The following ZFPM2 variants were observed in gnomAD, a reference collection of about 807,000 sequenced individuals.
The protein encoded by ZFPM2 is zinc finger protein ZFPM2.
A neutral mutation model predicts 98.6 loss-of-function variants in ZFPM2; 20 were observed. The observed-to-expected ratio is 0.20, with a 90% CI of 0.14 to 0.29. The LOEUF (loss-of-function observed/expected upper bound fraction) is 0.29. Ranked by LOEUF, ZFPM2 falls within the 10% of genes least tolerant of loss-of-function variation. The pLI is 1.00. For missense variants in ZFPM2, 1,310 were observed against 1,388.6 expected (o/e 0.94, Z 0.90); for synonymous variants, 518 against 502.7 (o/e 1.03, Z -0.41).
Position 105,802,768 on chromosome 8 carries a change from C to A in ZFPM2, c.2686C>A (p.Pro896Thr). Residue 896 changes from proline (P) to threonine (T), a missense_variant, in exon 8 of 8, where the codon CCG becomes ACG. Physicochemically the swap from Pro to Thr is conservative, Grantham distance 38 (BLOSUM62 -1). Transcript: ENST00000407775. ...DLGQLDGKVF[P>T]NPESERNSPD... ...GGGTCAACTGGACGGCAAAGTGTTT[C>A]CGAATCCAGAAAGCGAACGAAACAG... 1.2e-6 allele frequency: 2 copies of A among 1,613,552 alleles called. No homozygotes were observed. The highest frequency in any genetic ancestry group is 1.7e-6 in the Non-Finnish European group (2 of 1,179,764).
intron 4 of ZFPM2, among the ~76,000 whole-genome samples, chr8:105,584,077 G>T (rs901751374): frequency 6.6e-6 from 1 of 151,826 alleles, no homozygotes; most frequent in African/African-American, 2.4e-5. Flanking sequence ...ATTTTTAAAG[G>T]CCTGAATTAT....
At chr8:105,507,774 C>T (rs1326178352) in intron 3 of ZFPM2, among the ~76,000 whole-genome samples, 1 of 152,106 alleles carries the variant, frequency 6.6e-6, no homozygotes, top group Non-Finnish European at 1.5e-5. Context: ...TGTGCTTGTA[C>T]CCCTGGAGAG....
intron 5 of ZFPM2, among the ~76,000 whole-genome samples, chr8:105,677,704 GA>G (rs141428962): frequency 0.17 from 24,253 of 146,024 alleles, 2,015 homozygotes; most frequent in South Asian, 0.27. Flanking sequence ...AAAAACATAA[GA>G]AAAAAAAAAT....
At chr8:105,492,940 G>T (rs1034063787) in intron 3 of ZFPM2, among the ~76,000 whole-genome samples, 1 of 152,074 alleles carries the variant, frequency 6.6e-6, no homozygotes, top group African/African-American at 2.4e-5. Context: ...AATGCTCAAT[G>T]GATTTGCTTC....
intron 4 of ZFPM2, among the ~76,000 whole-genome samples, chr8:105,574,159 G>A (rs1815413896): frequency 6.6e-6 from 1 of 152,062 alleles, no homozygotes; most frequent in Non-Finnish European, 1.5e-5. Context: ...GTTGTCATAC[G>A]AATATAGCTT....
intron 3 of ZFPM2, among the ~76,000 whole-genome samples, chr8:105,553,517 A>T (rs1432431918): frequency 3.3e-5 from 5 of 152,176 alleles, no homozygotes; most frequent in Non-Finnish European, 5.9e-5. Context: ...AATTCATCGC[A>T]TGAAAAGGGA....
At chr8:105,542,535 C>G (rs1182487872) in intron 3 of ZFPM2, among the ~76,000 whole-genome samples, 1 of 152,078 alleles carries the variant, frequency 6.6e-6, no homozygotes, top group South Asian at 2.1e-4. Context: ...GTTGGCCCCT[C>G]CCTATCAGTG....
At chr8:105,425,515 T>A (rs1811890130) in intron 2 of ZFPM2, among the ~76,000 whole-genome samples, 1 of 152,184 alleles carries the variant, frequency 6.6e-6, no homozygotes, top group African/African-American at 2.4e-5. Flanking sequence ...GTGTTTTCTA[T>A]GTCTTTCCAC....
Position 105,801,653 on chromosome 8 carries a change from T to G in ZFPM2, c.1571T>G (p.Val524Gly), listed in dbSNP as rs1440938157. 6 of 1,613,520 alleles carry G rather than the reference T, an allele frequency of 3.7e-6. No homozygotes were observed. The highest frequency in any genetic ancestry group is 5.1e-6 in the Non-Finnish European group (6 of 1,179,868). Reference protein sequence around the residue: ...SEILAKMSELVHRRLRHGSSS... With the variant: ...SEILAKMSELGHRRLRHGSSS... ...ATCTTAGCTAAGATGTCTGAACTGG[T>G]GCATCGGCGACTGAGGCATGGCAGT... is the stretch of plus-strand genomic sequence containing the variant. Residue 524 changes from valine to glycine, a missense_variant, in exon 8 of 8, where the codon GTG becomes GGG. By Grantham distance (109) the Val-to-Gly change is moderately radical. Coordinates refer to ENST00000407775, the MANE Select transcript of ZFPM2 (RefSeq NM_012082.4).
chr8:105,602,871 T>C (rs1441689110), intron 4 of ZFPM2, among the ~76,000 whole-genome samples: 3 of 152,242 alleles, frequency 2.0e-5, no homozygotes, highest in South Asian at 2.1e-4. Context: ...CTTGTTCTTA[T>C]TGTTGCTTGC....
At chr8:105,536,111 A>G (rs776888620) in intron 3 of ZFPM2, among the ~76,000 whole-genome samples, 6 of 152,310 alleles carry the variant, frequency 3.9e-5, no homozygotes, top group East Asian at 1.9e-4. Context: ...CAAAAATTCT[A>G]TGTAATAATA....
At chr8:105,588,764 C>T (rs1586482600) in intron 4 of ZFPM2, among the ~76,000 whole-genome samples, 2 of 152,176 alleles carry the variant, frequency 1.3e-5, no homozygotes, top group African/African-American at 4.8e-5. Context: ...CAAAGATTAA[C>T]CACACTGCCT....
At chr8:105,370,469 C>T (rs1038686788) in intron 1 of ZFPM2, among the ~76,000 whole-genome samples, 5 of 152,142 alleles carry the variant, frequency 3.3e-5, no homozygotes, top group African/African-American at 1.2e-4. Context: ...GGAGGTTGGG[C>T]TACATAAACT....
intron 2 of ZFPM2, among the ~76,000 whole-genome samples, chr8:105,434,100 A>G (rs1335912995): frequency 6.6e-6 from 1 of 152,210 alleles, no homozygotes; most frequent in African/African-American, 2.4e-5. Flanking sequence ...ATTATACATA[A>G]GTAGTAAGTC....
intron 6 of ZFPM2, among the ~76,000 whole-genome samples, chr8:105,796,366 A>G (rs1813815151): frequency 6.6e-6 from 1 of 152,222 alleles, no homozygotes; most frequent in Admixed American, 6.5e-5. Flanking sequence ...ATAGATGCAG[A>G]GAGCTTTTGC....
intron 5 of ZFPM2, among the ~76,000 whole-genome samples, chr8:105,778,070 A>C (rs1354618749): frequency 6.6e-6 from 1 of 152,154 alleles, no homozygotes; most frequent in African/African-American, 2.4e-5. Context: ...GCACAAAGAA[A>C]CCTCCAAAGC....
At chr8:105,665,197 C>T (rs1274943204) in intron 5 of ZFPM2, among the ~76,000 whole-genome samples, 4 of 152,086 alleles carry the variant, frequency 2.6e-5, no homozygotes, top group Non-Finnish European at 4.4e-5. Context: ...GATAACTAAA[C>T]TGTTCCCCCA....
intron 3 of ZFPM2, among the ~76,000 whole-genome samples, chr8:105,532,613 T>G (rs1436130698): frequency 1.3e-5 from 2 of 152,204 alleles, no homozygotes; most frequent in East Asian, 3.8e-4. Context: ...ATAGAGTGCT[T>G]GCCTCATACA....
intron 3 of ZFPM2, among the ~76,000 whole-genome samples, chr8:105,533,465 GCTT>G (rs1475659287): frequency 6.6e-6 from 1 of 152,026 alleles, no homozygotes; most frequent in African/African-American, 2.4e-5. Flanking sequence ...CAATTAAAAT[GCTT>G]CTTATGTATC....
Sources: gnomAD v4.1 joint callset for allele counts (sites outside exome capture counted in the v4.1 genomes callset) on GRCh38, gnomAD v4.1.1 for gene constraint, MANE v1.5 for transcripts, NCBI Gene and HGNC (gene_info 2026-07-23, HGNC 2026-07-21) for gene names.